Variants in GPHN observed in about 807,000 individuals in gnomAD.
GPHN encodes gephyrin.
A neutral mutation model predicts 95.5 loss-of-function variants in GPHN; 17 were observed. The observed-to-expected ratio is 0.18, with a 90% CI of 0.12 to 0.27. The LOEUF (loss-of-function observed/expected upper bound fraction) is 0.27. Ranked by LOEUF, GPHN falls within the 10% of genes least tolerant of loss-of-function variation. GPHN has a pLI of 1.00. For synonymous variants in GPHN, 320 were observed against 322.5 expected (o/e 0.99, Z 0.08); for missense variants, 660 against 978.1 (o/e 0.67, Z 4.34).
the GPHN span, chr14:67,574,464 T>C: frequency 3.7e-6 from 5 of 1,350,668 alleles, no homozygotes; most frequent in South Asian, 3.3e-5. The surrounding 1 kb of genome is among the most constrained non-coding windows in gnomAD (Gnocchi z 4.2). Context: ...GGAGCCAGGA[T>C]TGGGGTGCCG....
chr14:67,153,072 G>A (rs568521908), intron 18 of GPHN, among the ~76,000 whole-genome samples: 6 of 152,278 alleles, frequency 3.9e-5, no homozygotes, highest in East Asian at 1.9e-4. Flanking sequence ...AGGCCAAGGC[G>A]GGCAGATCCT....
the GPHN span, among the ~76,000 whole-genome samples, chr14:67,705,435 T>G: frequency 6.6e-6 from 1 of 152,242 alleles, no homozygotes; most frequent in African/African-American, 2.4e-5. Flanking sequence ...GTAAGATTCT[T>G]TACTCAGAAA....
At chr14:67,448,120 C>CTTTTTTTTTTTTTTTT in the GPHN span, among the ~76,000 whole-genome samples, 4 of 36,050 alleles carry the variant, frequency 1.1e-4, 2 homozygotes, top group African/African-American at 4.0e-4. Flanking sequence ...ATAGCCCATT[C>CTTTTTTTTTTTTTTTT]TTTTTTTTTT....
chr14:67,266,983 C>A, the GPHN span, among the ~76,000 whole-genome samples: 1 of 151,852 alleles, frequency 6.6e-6, no homozygotes, highest in Non-Finnish European at 1.5e-5. Context: ...GTGGCCCATT[C>A]CTGTACCCAC....
At chr14:67,720,423 A>T in the GPHN span, among the ~76,000 whole-genome samples, 2 of 152,184 alleles carry the variant, frequency 1.3e-5, no homozygotes, top group South Asian at 4.1e-4. Flanking sequence ...AGGTCTTACC[A>T]CTCTAAAAAT....
intron 2 of GPHN, among the ~76,000 whole-genome samples, chr14:66,733,005 G>T (rs1317425833): frequency 6.6e-6 from 1 of 152,118 alleles, no homozygotes; most frequent in East Asian, 1.9e-4. Flanking sequence ...GATACAGTTC[G>T]GCTCTGGGTC....
chr14:67,341,165 TG>T, the GPHN span, among the ~76,000 whole-genome samples: 1 of 150,498 alleles, frequency 6.6e-6, no homozygotes, highest in African/African-American at 2.5e-5. Context: ...CCCCTCTGCC[TG>T]GCTGCCCAGT....
intron 9 of GPHN, among the ~76,000 whole-genome samples, chr14:66,997,204 A>G (rs2071867429): frequency 1.3e-5 from 2 of 152,028 alleles, no homozygotes. Context: ...CGTCTCTACT[A>G]AAAATATAAA....
chr14:66,517,373 A>G (rs2058291676), intron 1 of GPHN, among the ~76,000 whole-genome samples: 1 of 152,210 alleles, frequency 6.6e-6, no homozygotes, highest in African/African-American at 2.4e-5. Flanking sequence ...AGCAATCTAC[A>G]GATTCAATGC....
the GPHN span, chr14:67,241,845 G>A: frequency 6.6e-6 from 1 of 152,230 alleles, no homozygotes; most frequent in Admixed American, 6.5e-5. Context: ...GGCGCGGCGG[G>A]GAGTCGTCTG....
chr14:67,362,372 G>GA, the GPHN span, among the ~76,000 whole-genome samples: 7 of 150,542 alleles, frequency 4.6e-5, no homozygotes, highest in South Asian at 4.2e-4. Flanking sequence ...AGTAGCTACT[G>GA]AAAAAAAAAT....
At chr14:66,917,971 T>C (rs1428202048) in intron 6 of GPHN, among the ~76,000 whole-genome samples, 5 of 152,118 alleles carry the variant, frequency 3.3e-5, no homozygotes, top group African/African-American at 1.2e-4. Flanking sequence ...CTGCAAAAAA[T>C]AGCCACCTAC....
the GPHN span, chr14:67,572,327 G>T: frequency 4.6e-6 from 7 of 1,515,522 alleles, no homozygotes; most frequent in Non-Finnish European, 6.2e-6. Flanking sequence ...TGCAGCAGAG[G>T]CTGCTGGGGC....
chr14:67,656,601 A>G, the GPHN span: 1 of 1,591,610 alleles, frequency 6.3e-7, no homozygotes, highest in Non-Finnish European at 8.6e-7. Flanking sequence ...TGAAAGAAGT[A>G]TGGAAGAGAA....
the GPHN span, among the ~76,000 whole-genome samples, chr14:67,480,000 G>A: frequency 2.2e-3 from 342 of 152,278 alleles, 2 homozygotes; most frequent in African/African-American, 8.1e-3. Flanking sequence ...AATGGACGCT[G>A]CCCAACCACC....
intron 4 of GPHN, among the ~76,000 whole-genome samples, chr14:66,851,751 A>G (rs2062593450): frequency 6.6e-6 from 1 of 152,036 alleles, no homozygotes; most frequent in African/African-American, 2.4e-5. Context: ...AAGAAATGAG[A>G]TTTTTCAAAA....
At chr14:66,737,982 G>A (rs1425127428) in intron 2 of GPHN, among the ~76,000 whole-genome samples, 1 of 152,174 alleles carries the variant, frequency 6.6e-6, no homozygotes, top group Non-Finnish European at 1.5e-5. Context: ...TGAATTTGCT[G>A]TCACTTTACC....
chr14:67,468,976 C>T, the GPHN span, among the ~76,000 whole-genome samples: 1 of 152,104 alleles, frequency 6.6e-6, no homozygotes, highest in Non-Finnish European at 1.5e-5. Flanking sequence ...CTGCCTCTTG[C>T]CTCTTCTCTG....
the GPHN span, among the ~76,000 whole-genome samples, chr14:67,442,475 C>T: frequency 2.0e-5 from 3 of 152,104 alleles, no homozygotes; most frequent in East Asian, 1.9e-4. Context: ...GCAGAGTGAA[C>T]GAGAAGCAGG....
Sources: gnomAD v4.1 joint callset for allele counts (sites outside exome capture counted in the v4.1 genomes callset) on GRCh38, gnomAD v4.1.1 for gene constraint, Gnocchi (gnomAD v3.1) non-coding constraint, MANE v1.5 for transcripts, NCBI Gene and HGNC (gene_info 2026-07-23, HGNC 2026-07-21) for gene names.